Variants in CPNE3 observed in about 807,000 individuals in gnomAD.
The protein encoded by CPNE3 is copine-3.
A neutral mutation model predicts 63.9 loss-of-function variants in CPNE3; 68 were observed. That is an observed-to-expected ratio of 1.06 (90% CI 0.87 to 1.30). The LOEUF (loss-of-function observed/expected upper bound fraction) is 1.30. Among genes scored for constraint, CPNE3 ranks in the 50% most tolerant of loss-of-function variants. CPNE3 has a pLI of 0.00. For synonymous variants in CPNE3, 219 were observed against 197.5 expected, an observed-to-expected ratio of 1.11 and a Z score of -0.91; for missense variants, 665 against 578.1, an observed-to-expected ratio of 1.15 and a Z score of -1.54.
intron 6 of CPNE3, among the ~76,000 whole-genome samples, chr8:86,534,566 G>A (rs1237440012): frequency 1.3e-5 from 2 of 152,258 alleles, no homozygotes; most frequent in South Asian, 2.1e-4. Context: ...TGAGGCAGGA[G>A]AATCACTTGA....
chr8:86,518,853 AC>A (rs1215769480), intron 2 of CPNE3, among the ~76,000 whole-genome samples: 5 of 151,838 alleles, frequency 3.3e-5, no homozygotes, highest in African/African-American at 9.7e-5. Context: ...GCTCACTGCA[AC>A]CTCCACCTCC....
At chr8:86,546,816 A>T (rs992763317) in intron 10 of CPNE3, 135 bp downstream of exon 10, 8 of 875,952 alleles carry the variant, frequency 9.1e-6, no homozygotes, top group South Asian at 2.1e-5. Context: ...GGTTCAAGCA[A>T]TTCTCTGCCT....
intron 2 of CPNE3, among the ~76,000 whole-genome samples, chr8:86,527,215 A>G (rs1408242190): frequency 2.0e-5 from 3 of 152,162 alleles, no homozygotes; most frequent in African/African-American, 7.2e-5. Flanking sequence ...CTAGGGTAGT[A>G]GGTACCTTCC....
At chr8:86,535,520 T>A (rs1038543315) in intron 6 of CPNE3, among the ~76,000 whole-genome samples, 2 of 151,876 alleles carry the variant, frequency 1.3e-5, no homozygotes, top group Admixed American at 1.3e-4. Flanking sequence ...ATACAAAAAT[T>A]AGCCGGTCAT....
At chr8:86,532,471 A>T in intron 5 of CPNE3, 38 bp from the exon 6 acceptor site, 2 of 1,532,600 alleles carry the variant, frequency 1.3e-6, no homozygotes, top group South Asian at 2.3e-5. Context: ...CAGAATTCCT[A>T]AAACATATTT....
chr8:86,551,629 T>G (rs1821181295), intron 14 of CPNE3: 1 of 156,554 alleles, frequency 6.4e-6, no homozygotes, highest in Admixed American at 6.4e-5. Context: ...TATACAGATC[T>G]TTTGAAGCTT....
chr8:86,521,672 G>T (rs375801713), intron 2 of CPNE3: 1 of 152,150 alleles, frequency 6.6e-6, no homozygotes, highest in South Asian at 2.1e-4. Context: ...AAATACCTGG[G>T]TTTATGCTGT....
intron 2 of CPNE3, among the ~76,000 whole-genome samples, 184 bp from the exon 3 acceptor site, chr8:86,528,352 A>G (rs752484213): frequency 6.6e-6 from 1 of 152,226 alleles, no homozygotes; most frequent in Non-Finnish European, 1.5e-5. Flanking sequence ...AGGCAGTATC[A>G]TTGGAATGAG....
chr8:86,528,670 G>T lies in CPNE3; in HGVS notation c.125G>T (p.Trp42Leu). Residue 42 changes from tryptophan to leucine, a missense_variant, in exon 3 of 17, where the codon TGG becomes TTG. By Grantham distance (61) the Trp-to-Leu change is moderately conservative. Transcript: ENST00000517490. ...VLFLNTSGQQWYEVERTERIK... is the reference protein window; with the variant it reads ...VLFLNTSGQQLYEVERTERIK... Reference sequence around the variant, plus strand: ...TTTTTGAATACAAGTGGTCAACAGTGGTATGAGGTAATGTCAAATACTTTA... The same window carrying T: ...TTTTTGAATACAAGTGGTCAACAGTTGTATGAGGTAATGTCAAATACTTTA... 6.2e-7 allele frequency: 1 copy of T among 1,611,274 alleles called. No individual in the cohort carries two copies. The highest frequency in any genetic ancestry group is 1.1e-5 in the South Asian group (1 of 90,566).
At chr8:86,523,750 T>C (rs1820483234) in intron 2 of CPNE3, among the ~76,000 whole-genome samples, 1 of 152,164 alleles carries the variant, frequency 6.6e-6, no homozygotes, top group Non-Finnish European at 1.5e-5. Flanking sequence ...CACACCTGGC[T>C]AATTTCTGTA....
intron 2 of CPNE3, among the ~76,000 whole-genome samples, chr8:86,523,270 T>C (rs1820473940): frequency 6.6e-6 from 1 of 152,170 alleles, no homozygotes; most frequent in African/African-American, 2.4e-5. Flanking sequence ...AATTAGGAAA[T>C]TGAAGTTCAG....
chr8:86,532,477 T>G, intron 5 of CPNE3, 32 bp from the exon 6 acceptor site: 1 of 1,554,608 alleles, frequency 6.4e-7, no homozygotes, highest in Non-Finnish European at 8.8e-7. Context: ...TCCTAAAACA[T>G]ATTTTCTTTC....
chr8:86,522,223 A>G (rs1327952946), intron 2 of CPNE3, among the ~76,000 whole-genome samples: 1 of 152,188 alleles, frequency 6.6e-6, no homozygotes, highest in African/African-American at 2.4e-5. Context: ...TGTCTGTACC[A>G]CACAATTTTA....
intron 12 of CPNE3, among the ~76,000 whole-genome samples, chr8:86,549,079 C>T (rs1406388785): frequency 2.0e-5 from 3 of 152,176 alleles, no homozygotes; most frequent in African/African-American, 7.2e-5. Context: ...AAAACATCTG[C>T]ATTAGTAGTG....
intron 7 of CPNE3, among the ~76,000 whole-genome samples, chr8:86,537,995 A>G (rs113627525): frequency 2.6e-4 from 39 of 151,758 alleles, no homozygotes; most frequent in African/African-American, 9.2e-4. Context: ...TCTCACACAC[A>G]CACACACACA....
At chr8:86,537,249 G>A (rs931191926) in intron 6 of CPNE3, among the ~76,000 whole-genome samples, 5 of 152,148 alleles carry the variant, frequency 3.3e-5, no homozygotes, top group Non-Finnish European at 7.3e-5. Context: ...GAATGAAAAT[G>A]GTTAAAGGTG....
intron 14 of CPNE3, among the ~76,000 whole-genome samples, chr8:86,553,798 A>G (rs763751749): frequency 7.7e-4 from 109 of 140,650 alleles, no homozygotes; most frequent in Non-Finnish European, 5.5e-4. Context: ...CTCAGCAAGT[A>G]TTGTTGGAAA....
At chr8:86,539,650 A>G (rs1820883200) in intron 7 of CPNE3, among the ~76,000 whole-genome samples, 1 of 146,394 alleles carries the variant, frequency 6.8e-6, no homozygotes, top group Admixed American at 6.9e-5. Flanking sequence ...AAAATCAATA[A>G]TCCTCCGCAG....
chr8:86,545,058 G>A, intron 9 of CPNE3: 1 of 294,518 alleles, frequency 3.4e-6, no homozygotes. Context: ...GCCAGATGAG[G>A]ACTCCAACTA....
Sources: gnomAD v4.1 joint callset for allele counts (sites outside exome capture counted in the v4.1 genomes callset) on GRCh38, gnomAD v4.1.1 for gene constraint, MANE v1.5 for transcripts, NCBI Gene and HGNC (gene_info 2026-07-23, HGNC 2026-07-21) for gene names.